Variants in SULT1E1 observed in about 807,000 individuals in gnomAD.
SULT1E1 encodes sulfotransferase family 1E member 1.
Under a neutral mutation model 33.6 loss-of-function variants are expected in SULT1E1, and 36 were observed. The ratio of observed to expected loss-of-function variants is 1.07; its 90% CI spans 0.82 to 1.41. The LOEUF (loss-of-function observed/expected upper bound fraction) is 1.41. Among genes scored for constraint, SULT1E1 ranks in the 40% most tolerant of loss-of-function variants. The pLI, the probability that SULT1E1 is intolerant of heterozygous loss-of-function variation, is 0.00. For synonymous variants in SULT1E1, 121 were observed against 111.7 expected (o/e 1.08, Z -0.53); for missense variants, 371 against 345.7 (o/e 1.07, Z -0.58).
chr4:69,845,202 G>A (rs1040649233), intron 6 of SULT1E1, among the ~76,000 whole-genome samples: 9 of 151,934 alleles, frequency 5.9e-5, no homozygotes, highest in African/African-American at 2.2e-4. Context: ...AATAGAGCTA[G>A]ATAGAATGAT....
intron 5 of SULT1E1, 75 bp from the exon 6 acceptor site, chr4:69,847,867 A>C (rs1487402088): frequency 1.3e-6 from 1 of 763,886 alleles, no homozygotes; most frequent in Non-Finnish European, 2.2e-6. Flanking sequence ...TTCAAGCAAC[A>C]ATAACAACAA....
chr4:69,851,346 T>G (rs1560556506), intron 4 of SULT1E1, among the ~76,000 whole-genome samples: 3 of 152,122 alleles, frequency 2.0e-5, no homozygotes. Flanking sequence ...GAGAAGACAT[T>G]TATGCAGCCA....
At chr4:69,844,402 T>C (rs1205381353) in intron 6 of SULT1E1, 61 bp from the exon 7 acceptor site, 3 of 1,304,120 alleles carry the variant, frequency 2.3e-6, no homozygotes, top group Non-Finnish European at 3.2e-6. Context: ...ACTATCTAAA[T>C]GAAAGAGAAA....
At chr4:69,840,981 G>A (rs573504529), downstream of SULT1E1, among the ~76,000 whole-genome samples, 1 of 152,246 alleles carries the variant, frequency 6.6e-6, no homozygotes, top group African/African-American at 2.4e-5. Flanking sequence ...AGGAGGTGGA[G>A]CTTGCAGTGA....
intron 7 of SULT1E1, among the ~76,000 whole-genome samples, chr4:69,843,342 T>TGAAA (rs1720916398): frequency 6.6e-6 from 1 of 152,164 alleles, no homozygotes; most frequent in Non-Finnish European, 1.5e-5. Context: ...TGTAGAATTT[T>TGAAA]GAAAAAGGAA....
intron 4 of SULT1E1, 123 bp from the exon 5 acceptor site, chr4:69,849,686 G>T: frequency 1.2e-6 from 1 of 836,326 alleles, no homozygotes; most frequent in Non-Finnish European, 1.8e-6. Flanking sequence ...TTTACAAAAT[G>T]CATAAGACAT....
At chr4:69,851,304 A>T (rs1471984653) in intron 4 of SULT1E1, among the ~76,000 whole-genome samples, 1 of 152,080 alleles carries the variant, frequency 6.6e-6, no homozygotes, top group Non-Finnish European at 1.5e-5. Context: ...CCCATCAAAA[A>T]TGGGTGAAGG....
the SULT1E1 span, among the ~76,000 whole-genome samples, chr4:69,830,162 T>C: frequency 6.6e-6 from 1 of 152,212 alleles, no homozygotes; most frequent in Non-Finnish European, 1.5e-5. Context: ...TCCACACCCA[T>C]GTTTGTGTCC....
Position 69,849,578 on chromosome 4 carries a change from T to C in SULT1E1, c.370-15A>G. On this transcript the variant is annotated splice_polypyrimidine_tract_variant and intron_variant, in intron 4 of 7. Coordinates refer to ENST00000226444, the MANE Select transcript of SULT1E1 (RefSeq NM_005420.3). ...AGATAGATTATCTAAGAGGATGAAA[T>C]TGTATATTAAACCACTTAACATTTT... The C allele has an allele frequency of 6.3e-7, 1 of 1,579,400 alleles. No homozygotes were observed. Among genetic ancestry groups the C allele is most frequent in the Non-Finnish European group, 8.6e-7 (1 of 1,166,686 alleles).
chr4:69,852,026 T>G (rs1319049866), intron 4 of SULT1E1, among the ~76,000 whole-genome samples: 3 of 152,054 alleles, frequency 2.0e-5, no homozygotes, highest in Non-Finnish European at 4.4e-5. Context: ...CTAATGTAAA[T>G]GACAAGTTAA....
chr4:69,860,070 A>G lies in SULT1E1; in HGVS notation c.-31T>C, dbSNP rs1721340235. On this transcript the variant is annotated 5_prime_UTR_variant, in exon 1 of 8. Transcript: ENST00000226444. The stretch of plus-strand genomic sequence containing the variant: ...CAACCTGTTTAGTTGATCCTGTGAA[A>G]GAAATTGATCTAGTTTATATCTCTT... 1 of 152,148 alleles carries G rather than the reference A, an allele frequency of 6.6e-6. No homozygotes were observed. The highest frequency in any genetic ancestry group is 2.1e-4 in the South Asian group (1 of 4,836). The allele number at this position is 152,148 out of a possible 1,614,324, so 9.4% of individuals were successfully genotyped here.
At chr4:69,821,437 C>T in the SULT1E1 span, among the ~76,000 whole-genome samples, 1 of 152,170 alleles carries the variant, frequency 6.6e-6, no homozygotes, top group Non-Finnish European at 1.5e-5. Context: ...CATGGAGCAA[C>T]ATTAAGACAC....
At chr4:69,839,377 A>G (rs1720842657), downstream of SULT1E1, among the ~76,000 whole-genome samples, 1 of 152,202 alleles carries the variant, frequency 6.6e-6, no homozygotes, top group Non-Finnish European at 1.5e-5. Flanking sequence ...CTCTCTGGCA[A>G]TAATGAACCC....
chr4:69,827,143 C>A, the SULT1E1 span, among the ~76,000 whole-genome samples: 1 of 152,126 alleles, frequency 6.6e-6, no homozygotes, highest in Non-Finnish European at 1.5e-5. Context: ...CTGATAGGTA[C>A]ATAGATGTCC....
the SULT1E1 span, among the ~76,000 whole-genome samples, chr4:69,832,067 T>A: frequency 2.0e-5 from 3 of 152,174 alleles, no homozygotes; most frequent in Non-Finnish European, 4.4e-5. Context: ...GTCAAATTAG[T>A]GGTTATACCT....
chr4:69,847,910 T>C (rs1462687491), intron 5 of SULT1E1, 118 bp from the exon 6 acceptor site: 1 of 560,902 alleles, frequency 1.8e-6, no homozygotes, highest in Non-Finnish European at 3.1e-6. Context: ...GAAATTAGAA[T>C]AGATCAGCTG....
chr4:69,857,534 T>C lies in SULT1E1; in HGVS notation c.111A>G (p.Pro37=), dbSNP rs1335663244. 6.2e-7 allele frequency: 1 copy of C among 1,610,730 alleles called. No individual in the cohort carries two copies. The highest frequency in any genetic ancestry group is 8.5e-7 in the Non-Finnish European group (1 of 1,179,150). ...WDNVEAFQAR[P]DDLVIATYPK... is the part of the protein sequence containing the mutation. ...GGTAGGTGGCAATGACAAGATCATC[T>C]GGTCTTGCCTGGAACGCTTCCACAT... The change falls in exon 2 of 8, where the codon CCA becomes CCG. Residue 37 remains proline (P), a synonymous_variant. Coordinates refer to ENST00000226444, the MANE Select transcript of SULT1E1 (RefSeq NM_005420.3).
At chr4:69,856,396 G>A (rs548613123) in intron 2 of SULT1E1, among the ~76,000 whole-genome samples, 3 of 152,172 alleles carry the variant, frequency 2.0e-5, no homozygotes, top group African/African-American at 7.2e-5. Flanking sequence ...TCTAGTGCCA[G>A]AATAAACACA....
At chr4:69,852,951 A>G (rs984327411) in intron 4 of SULT1E1, among the ~76,000 whole-genome samples, 4 of 152,092 alleles carry the variant, frequency 2.6e-5, no homozygotes, top group Non-Finnish European at 4.4e-5. Context: ...TGGAAAGTAC[A>G]TAACTGGTCT....
Sources: gnomAD v4.1 joint callset for allele counts (sites outside exome capture counted in the v4.1 genomes callset) on GRCh38, gnomAD v4.1.1 for gene constraint, MANE v1.5 for transcripts, NCBI Gene and HGNC (gene_info 2026-07-23, HGNC 2026-07-21) for gene names.